The following RNF152 variants were observed in gnomAD, a reference collection of about 807,000 sequenced individuals.
RNF152 encodes ring finger protein 152, also known as E3 ubiquitin-protein ligase RNF152.
RNF152 carries 11 observed loss-of-function variants against 12.7 expected under a neutral mutation model. That is an observed-to-expected ratio of 0.86 (90% CI 0.54 to 1.43). The LOEUF is 1.43. Among genes scored for constraint, RNF152 ranks in the 40% most tolerant of loss-of-function variants. The pLI, the probability that RNF152 is intolerant of heterozygous loss-of-function variation, is 0.00. For synonymous variants in RNF152, 113 were observed against 120.3 expected (o/e 0.94, Z 0.40); for missense variants, 255 against 274.8 (o/e 0.93, Z 0.51).
intron 1 of RNF152, among the ~76,000 whole-genome samples, chr18:61,885,851 C>A (rs940229471): frequency 3.9e-5 from 6 of 151,942 alleles, no homozygotes. Context: ...GCAACTACAC[C>A]CAGTCATCAC....
rs992109322 is a variant in RNF152 at position 61,814,597 on chromosome 18, G to T, written c.*1255C>A. On this transcript the variant is annotated 3_prime_UTR_variant, in exon 2 of 2. Coordinates refer to ENST00000312828, the MANE Select transcript of RNF152 (RefSeq NM_173557.3). ...TCCACTTATATTGGGAATTTGAGCT[G>T]TTAGTTTACCTTGCCACCTTTCTTG... 1 of 152,202 alleles carries T rather than the reference G, an allele frequency of 6.6e-6. No individual in the cohort carries two copies. Among genetic ancestry groups the T allele is most frequent in the Non-Finnish European group, 1.5e-5 (1 of 68,046 alleles). The allele number at this position is 152,202 out of a possible 1,614,324, so 9.4% of individuals were successfully genotyped here.
chr18:61,818,823 G>A (rs952957069), intron 1 of RNF152, among the ~76,000 whole-genome samples: 3 of 152,080 alleles, frequency 2.0e-5, no homozygotes, highest in South Asian at 4.2e-4. Context: ...TGTGTCAAGC[G>A]TGATGTTCCT....
chr18:61,847,377 T>TA (rs1212929868), intron 1 of RNF152, among the ~76,000 whole-genome samples: 1 of 152,194 alleles, frequency 6.6e-6, no homozygotes, highest in African/African-American at 2.4e-5. Flanking sequence ...AGCTCTGCTC[T>TA]AAAAAGAGGT....
intron 1 of RNF152, among the ~76,000 whole-genome samples, chr18:61,823,865 T>C (rs1909534788): frequency 6.6e-6 from 1 of 152,220 alleles, no homozygotes; most frequent in Non-Finnish European, 1.5e-5. Context: ...CTAGGTGCTG[T>C]CCCTGTCTGG....
At chr18:61,851,494 C>G (rs2144695046) in intron 1 of RNF152, among the ~76,000 whole-genome samples, 1 of 152,274 alleles carries the variant, frequency 6.6e-6, no homozygotes, top group East Asian at 1.9e-4. Flanking sequence ...TTCTCCGTGC[C>G]TTATCTCATC....
chr18:61,843,808 G>C (rs1045293914), intron 1 of RNF152, among the ~76,000 whole-genome samples: 7 of 152,078 alleles, frequency 4.6e-5, no homozygotes, highest in African/African-American at 1.7e-4. Context: ...AATGGGGAAA[G>C]AGGACTTATT....
At chr18:61,827,713 G>A (rs915024631) in intron 1 of RNF152, among the ~76,000 whole-genome samples, 8 of 152,110 alleles carry the variant, frequency 5.3e-5, no homozygotes, top group African/African-American at 1.4e-4. Context: ...TTCATGGCAC[G>A]AGTTAAGCCT....
At chr18:61,850,051 CTT>C (rs1373472403) in intron 1 of RNF152, among the ~76,000 whole-genome samples, 2 of 152,184 alleles carry the variant, frequency 1.3e-5, no homozygotes, top group Non-Finnish European at 2.9e-5. Flanking sequence ...CTTCCTGTCT[CTT>C]TTAGAGCTTC....
chr18:61,829,630 T>G (rs1909844886), intron 1 of RNF152, among the ~76,000 whole-genome samples: 1 of 141,610 alleles, frequency 7.1e-6, no homozygotes. Context: ...CTAGGGCGGT[T>G]GAAGGGGAGT....
At chr18:61,828,296 G>A (rs920864738) in intron 1 of RNF152, among the ~76,000 whole-genome samples, 4 of 152,204 alleles carry the variant, frequency 2.6e-5, no homozygotes, top group Non-Finnish European at 4.4e-5. Flanking sequence ...AAGCTAGTAT[G>A]GTGACTATTC....
intron 1 of RNF152, among the ~76,000 whole-genome samples, chr18:61,843,549 C>T (rs531004676): frequency 3.9e-5 from 6 of 152,248 alleles, no homozygotes; most frequent in African/African-American, 1.4e-4. Context: ...TGGGAAAATA[C>T]CCAAATGCCC....
chr18:61,857,491 A>C (rs1423044988), intron 1 of RNF152, among the ~76,000 whole-genome samples: 38 of 152,176 alleles, frequency 2.5e-4, no homozygotes, highest in Admixed American at 2.5e-3. Flanking sequence ...AAAAGCCATA[A>C]AAATGGCTTT....
intron 1 of RNF152, among the ~76,000 whole-genome samples, chr18:61,864,964 G>A (rs945908059): frequency 2.0e-5 from 3 of 152,136 alleles, no homozygotes; most frequent in Non-Finnish European, 2.9e-5. Flanking sequence ...AGGTTGCAGT[G>A]AGCTGAGCTC....
At chr18:61,817,370 C>T (rs1300391017) in intron 1 of RNF152, among the ~76,000 whole-genome samples, 1 of 152,192 alleles carries the variant, frequency 6.6e-6, no homozygotes, top group African/African-American at 2.4e-5. Flanking sequence ...CCAAGTAACA[C>T]AACTAAAAGC....
intron 1 of RNF152, among the ~76,000 whole-genome samples, chr18:61,879,197 ACTT>A (rs1352226193): frequency 2.0e-5 from 3 of 152,200 alleles, no homozygotes; most frequent in African/African-American, 7.2e-5. Context: ...ATGTGCACAG[ACTT>A]CTTCATTTTG....
chr18:61,853,739 T>A (rs993395677), intron 1 of RNF152, among the ~76,000 whole-genome samples: 2 of 152,342 alleles, frequency 1.3e-5, no homozygotes, highest in Non-Finnish European at 2.9e-5. Flanking sequence ...TGTGATTACA[T>A]TGGGCTCAAC....
intron 1 of RNF152, among the ~76,000 whole-genome samples, chr18:61,841,779 CA>C (rs1910465458): frequency 6.6e-6 from 1 of 152,234 alleles, no homozygotes; most frequent in Non-Finnish European, 1.5e-5. Flanking sequence ...CAATCTCCAA[CA>C]CGGCAGTAAA....
chr18:61,844,221 A>G (rs113631631), intron 1 of RNF152, among the ~76,000 whole-genome samples: 47,578 of 123,726 alleles, frequency 0.38, 9,537 homozygotes, highest in Non-Finnish European at 0.45. Context: ...GAGGGAGGGA[A>G]GGAGGGAGAC....
intron 1 of RNF152, among the ~76,000 whole-genome samples, chr18:61,835,673 T>C (rs1910148972): frequency 6.6e-6 from 1 of 152,166 alleles, no homozygotes; most frequent in Non-Finnish European, 1.5e-5. Flanking sequence ...GTAAACTGGA[T>C]TCAATTCAAC....
Sources: allele counts gnomAD v4.1 joint callset (sites outside exome capture counted in the v4.1 genomes callset), GRCh38; gene constraint gnomAD v4.1.1; transcripts MANE v1.5; gene names NCBI Gene and HGNC (gene_info 2026-07-23, HGNC 2026-07-21).